ROBO2: variants seen among roughly 807,000 people sequenced by gnomAD.
ROBO2 encodes the protein roundabout guidance receptor 2.
A neutral mutation model predicts 160.8 loss-of-function variants in ROBO2; 53 were observed. The ratio of observed to expected loss-of-function variants is 0.33; its 90% confidence interval spans 0.26 to 0.41. ROBO2 has a LOEUF of 0.41. Among genes scored for constraint, ROBO2 ranks in the 10% least tolerant of loss-of-function variants. The probability of loss-of-function intolerance (pLI) is 1.00; values close to 1 mark genes in which losing one functional copy is unlikely to be tolerated. For missense variants in ROBO2, 1,577 were observed against 1,722.4 expected (o/e 0.92, Z 1.49); for synonymous variants, 664 against 611.7 (o/e 1.09, Z -1.26).
exon 23 of ROBO2, chr3:77,622,391 C>T: frequency 6.2e-7 from 1 of 1,614,084 alleles, no homozygotes; most frequent in Non-Finnish European, 8.5e-7. Context: ...CTGGACCAGA[C>T]TCCTGGATCC....
At position 75,966,275 on chromosome 3, in the gene ROBO2, T is replaced by TC. The variant is rs1235040820; in HGVS notation, c.109+28673_109+28674insC. Among the ~76,000 whole-genome samples, 11 of 151,478 alleles carry TC rather than the reference T, an allele frequency of 7.3e-5. No homozygotes were observed. The South Asian group carries it at 2.3e-3, about 32-fold the overall frequency. ...AGCACTTTGCCTAAATAACGTTTTT[T>TC]TTTAAAGAGACATATGCAAAAAGAA... On this transcript the variant is annotated intron_variant, in intron 2 of 26. Coordinates refer to the ROBO2 transcript ENST00000487694.
At chr3:77,109,637 G>GCAA (rs1456147895) in intron 2 of ROBO2, among the ~76,000 whole-genome samples, 1 of 152,222 alleles carries the variant, frequency 6.6e-6, no homozygotes, top group Non-Finnish European at 1.5e-5. Context: ...GGCTTGCTAA[G>GCAA]GGCCAGGCTT....
At chr3:77,517,532 T>C (rs2090149144) in intron 5 of ROBO2, among the ~76,000 whole-genome samples, 1 of 151,628 alleles carries the variant, frequency 6.6e-6, no homozygotes, top group Non-Finnish European at 1.5e-5. Context: ...AGATTTATGT[T>C]TATCAATCAG....
At chr3:77,038,715 G>A (rs1316663176), upstream of ROBO2, among the ~76,000 whole-genome samples, 1 of 152,100 alleles carries the variant, frequency 6.6e-6, no homozygotes, top group Non-Finnish European at 1.5e-5. Flanking sequence ...CGGCCGCACC[G>A]GGGCACCGCC....
chr3:77,530,282 A>G (rs2091564769), intron 6 of ROBO2, among the ~76,000 whole-genome samples: 1 of 151,992 alleles, frequency 6.6e-6, no homozygotes, highest in Non-Finnish European at 1.5e-5. Flanking sequence ...GAAAATTAGC[A>G]ATCATTGCAG....
At chr3:77,598,523 ATGTG>A (rs2094360780) in intron 19 of ROBO2, among the ~76,000 whole-genome samples, 2 of 98,664 alleles carry the variant, frequency 2.0e-5, no homozygotes, top group African/African-American at 7.7e-5. Flanking sequence ...ATATATATAT[ATGTG>A]TATATATATA....
At chr3:77,534,967 A>G (rs1224665742) in intron 6 of ROBO2, among the ~76,000 whole-genome samples, 2 of 152,216 alleles carry the variant, frequency 1.3e-5, no homozygotes, top group African/African-American at 2.4e-5. Flanking sequence ...GCAGCTTTAA[A>G]TAGTGCTATA....
intron 2 of ROBO2, among the ~76,000 whole-genome samples, chr3:76,969,050 G>A (rs981787772): frequency 3.3e-5 from 5 of 152,044 alleles, no homozygotes; most frequent in African/African-American, 9.7e-5. Flanking sequence ...GGAAACATAC[G>A]TTTATTAAAT....
chr3:77,532,810 G>A (rs950113188), intron 6 of ROBO2, among the ~76,000 whole-genome samples: 37 of 119,256 alleles, frequency 3.1e-4, no homozygotes, highest in Middle Eastern at 4.4e-3. Flanking sequence ...CCCTTTTTTC[G>A]TTTTTAAAAG....
chr3:76,960,404 T>G (rs2079562982), intron 2 of ROBO2, among the ~76,000 whole-genome samples: 1 of 152,050 alleles, frequency 6.6e-6, no homozygotes, highest in Non-Finnish European at 1.5e-5. Flanking sequence ...GTACACTGAT[T>G]ATTTTTTTCC....
At chr3:76,542,414 G>A (rs1012497941) in intron 2 of ROBO2, among the ~76,000 whole-genome samples, 3 of 152,138 alleles carry the variant, frequency 2.0e-5, no homozygotes, top group Non-Finnish European at 2.9e-5. Context: ...GGGAAGTCCA[G>A]GCCTTGGCTT....
At chr3:76,000,673 G>A (rs921583211) in intron 2 of ROBO2, among the ~76,000 whole-genome samples, 1 of 151,798 alleles carries the variant, frequency 6.6e-6, no homozygotes, top group Non-Finnish European at 1.5e-5. Context: ...GTATTTTTTA[G>A]TAGAAATGGG....
intron 2 of ROBO2, among the ~76,000 whole-genome samples, chr3:76,919,958 T>C (rs544004080): frequency 3.3e-5 from 5 of 152,206 alleles, no homozygotes; most frequent in Non-Finnish European, 7.4e-5. Flanking sequence ...ACCTATTTAC[T>C]TCACTCAAAG....
At chr3:76,875,414 C>A (rs2072604589) in intron 2 of ROBO2, among the ~76,000 whole-genome samples, 1 of 152,162 alleles carries the variant, frequency 6.6e-6, no homozygotes, top group South Asian at 2.1e-4. Flanking sequence ...AACAAATTAT[C>A]ACAAACTTAG....
intron 2 of ROBO2, chr3:77,317,196 G>A (rs2064092899): frequency 1.2e-6 from 1 of 853,594 alleles, no homozygotes; most frequent in Non-Finnish European, 2.0e-6. Context: ...CACCCCGGAT[G>A]GAAGGCCCAG....
intron 23 of ROBO2, among the ~76,000 whole-genome samples, chr3:77,626,570 G>T (rs1369523487): frequency 6.6e-6 from 1 of 152,150 alleles, no homozygotes; most frequent in Admixed American, 6.6e-5. Flanking sequence ...TTGGGTAACG[G>T]GGAGGGAGAG....
chr3:77,022,642 AAACAAATTTTT>A (rs1256975342), intron 2 of ROBO2, among the ~76,000 whole-genome samples: 1 of 152,172 alleles, frequency 6.6e-6, no homozygotes, highest in Non-Finnish European at 1.5e-5. Context: ...AACTTTGATT[AAACAAATTTTT>A]ATAGTTTTCC....
At chr3:76,858,020 C>T (rs1353004064) in intron 2 of ROBO2, among the ~76,000 whole-genome samples, 3 of 152,066 alleles carry the variant, frequency 2.0e-5, no homozygotes, top group Non-Finnish European at 4.4e-5. Context: ...TCTCCTCATT[C>T]TTCCACTTCT....
chr3:76,968,821 T>C (rs899877268), intron 2 of ROBO2, among the ~76,000 whole-genome samples: 22 of 152,310 alleles, frequency 1.4e-4, no homozygotes, highest in African/African-American at 5.0e-4. Flanking sequence ...GTTATGTAGG[T>C]TATACTTTTT....
Sources: gnomAD v4.1 joint callset for allele counts (sites outside exome capture counted in the v4.1 genomes callset) on GRCh38, gnomAD v4.1.1 for gene constraint, MANE v1.5 for transcripts, NCBI Gene and HGNC (gene_info 2026-07-23, HGNC 2026-07-21) for gene names.